Variants in PROS1 observed in about 807,000 individuals in gnomAD.
PROS1 encodes protein S.
In PROS1, 29 loss-of-function variants were observed where a neutral mutation model predicts 75.9. The observed-to-expected ratio is 0.38, with a 90% CI of 0.28 to 0.52. The LOEUF is 0.52. PROS1 is among the 20% of genes least tolerant of loss of function. The pLI is 0.83. For missense variants in PROS1, 680 were observed against 810.3 expected (o/e 0.84, Z 1.95); for synonymous variants, 245 against 280.6 (o/e 0.87, Z 1.27).
chr3:93,881,898 T>G (rs570634983), intron 12 of PROS1, among the ~76,000 whole-genome samples: 1 of 152,232 alleles, frequency 6.6e-6, no homozygotes, highest in African/African-American at 2.4e-5. Context: ...ACAATTAAAA[T>G]GTAATTTTTT....
At chr3:93,945,428 C>T (rs1199326879) in intron 1 of PROS1, among the ~76,000 whole-genome samples, 3 of 152,108 alleles carry the variant, frequency 2.0e-5, no homozygotes, top group Admixed American at 6.5e-5. Context: ...ACTGGCAAAC[C>T]GAATCCAGCA....
Position 93,910,574 on chromosome 3 carries a change from C to T in PROS1, c.346+45G>A, listed in dbSNP as rs765643007. 8.7e-6 allele frequency: 13 copies of T among 1,489,292 alleles called. No individual in the cohort carries two copies. The South Asian group carries it at 1.5e-4, about 17-fold the overall frequency. The allele number at this position is 1,489,292 out of a possible 1,614,324, so 92.3% of individuals were successfully genotyped here. On this transcript the variant is annotated intron_variant, in intron 4 of 14. Coordinates refer to ENST00000394236, the MANE Select transcript of PROS1 (RefSeq NM_000313.4). ...TATTACCATGGGTGTACTTTACCTA[C>T]AGAGTTTTTGTTTTGTTTTTTCAAT...
At chr3:93,940,011 T>G (rs1709257520) in intron 1 of PROS1, among the ~76,000 whole-genome samples, 1 of 152,232 alleles carries the variant, frequency 6.6e-6, no homozygotes, top group Non-Finnish European at 1.5e-5. Context: ...ACACAAGAAC[T>G]TCAAAACGCC....
chr3:93,895,920 C>T (rs8178638), intron 9 of PROS1, among the ~76,000 whole-genome samples: 23 of 152,102 alleles, frequency 1.5e-4, no homozygotes, highest in Middle Eastern at 6.8e-3. Context: ...GCCGAGATTG[C>T]GCCACTGCAC....
intron 9 of PROS1, among the ~76,000 whole-genome samples, chr3:93,893,984 T>C (rs1708468728): frequency 6.6e-6 from 1 of 152,078 alleles, no homozygotes; most frequent in Non-Finnish European, 1.5e-5. Context: ...AACACTTCAA[T>C]GAGAATCAGC....
In PROS1 at chr3:93,970,457, C is replaced by A. The variant is rs560556641; in HGVS notation, c.76+3217G>T. Among the ~76,000 whole-genome samples, 204 of 152,152 alleles carry A rather than the reference C, an allele frequency of 1.3e-3. 2 individuals carry two copies. The highest frequency in any genetic ancestry group is 4.8e-3 in the African/African-American group (199 of 41,506). ...CTCAAGTGATCTTCCCACCTTAGAC[C>A]CCTGAGTAGCTGGGCCTACAAGTGT... is the stretch of plus-strand genomic sequence containing the variant. On this transcript the variant is annotated intron_variant, in intron 1 of 14. Coordinates refer to ENST00000394236, the MANE Select transcript of PROS1 (RefSeq NM_000313.4).
At chr3:93,933,575 A>T (rs1400084914) in intron 1 of PROS1, among the ~76,000 whole-genome samples, 1 of 151,158 alleles carries the variant, frequency 6.6e-6, no homozygotes, top group East Asian at 2.0e-4. Flanking sequence ...CCTTGCCTCA[A>T]AAAAAAAGAA....
chr3:93,973,641 G>T, intron 1 of PROS1, 33 bp downstream of exon 1: 1 of 1,605,772 alleles, frequency 6.2e-7, no homozygotes. Context: ...GACAATGCTG[G>T]GGAAGGGAGA....
intron 4 of PROS1, among the ~76,000 whole-genome samples, chr3:93,909,623 TCTAAA>T (rs1708730169): frequency 6.6e-6 from 1 of 152,114 alleles, no homozygotes; most frequent in Admixed American, 6.5e-5. Context: ...CACACCAGCC[TCTAAA>T]CTTCCCAGTC....
rs368945849 is a variant in PROS1 at position 93,964,161 on chromosome 3, G to A, written c.76+9513C>T. On this transcript the variant is annotated intron_variant, in intron 1 of 14. Coordinates refer to ENST00000394236, the MANE Select transcript of PROS1 (RefSeq NM_000313.4). ...CAAATTGATTGTAAAACGTGTGTTT[G>A]AACAATATGAAATCAGTGCACCTTG... is the stretch of plus-strand genomic sequence containing the variant. Among the ~76,000 whole-genome samples the A allele has an allele frequency of 1.2e-4, 18 of 152,210 alleles. No individual in the cohort carries two copies. The South Asian group carries it at 2.5e-3, about 21-fold the overall frequency.
intron 3 of PROS1, among the ~76,000 whole-genome samples, chr3:93,916,117 A>G (rs1468237601): frequency 6.6e-6 from 1 of 152,162 alleles, no homozygotes; most frequent in African/African-American, 2.4e-5. Flanking sequence ...GACAGAAGGT[A>G]GTAAGGCAAA....
intron 1 of PROS1, among the ~76,000 whole-genome samples, chr3:93,955,316 G>A (rs1709581519): frequency 6.6e-6 from 1 of 152,076 alleles, no homozygotes; most frequent in Admixed American, 6.6e-5. Context: ...GCAAAGACTT[G>A]GAACCAACAC....
At chr3:93,913,250 G>A (rs1708787255) in intron 3 of PROS1, among the ~76,000 whole-genome samples, 1 of 152,096 alleles carries the variant, frequency 6.6e-6, no homozygotes, top group Non-Finnish European at 1.5e-5. Flanking sequence ...GTTTGGCTGT[G>A]TCCCAACCCA....
rs190978594 is a variant in PROS1 at position 93,944,905 on chromosome 3, T to C, written c.77-17498A>G. 1.8e-3 allele frequency among the ~76,000 whole-genome samples: 269 copies of C among 150,820 alleles called. 1 individual carries two copies. Among genetic ancestry groups the C allele is most frequent in the Non-Finnish European group, 3.2e-3 (217 of 67,636 alleles). ...GAAAAGGTCAACAAAATTGATAGAA[T>C]AATAAAGAAGATTGCAAGACTAATA... On this transcript the variant is annotated intron_variant, in intron 1 of 14. Coordinates refer to ENST00000394236, the MANE Select transcript of PROS1 (RefSeq NM_000313.4).
chr3:93,925,050 T>C (rs1708997368), intron 2 of PROS1, among the ~76,000 whole-genome samples: 1 of 152,200 alleles, frequency 6.6e-6, no homozygotes, highest in Non-Finnish European at 1.5e-5. Context: ...ACCTATAAAT[T>C]GGTTGTGTAC....
chr3:93,928,393 G>C (rs924729700), intron 1 of PROS1, among the ~76,000 whole-genome samples: 2 of 150,654 alleles, frequency 1.3e-5, no homozygotes, highest in Non-Finnish European at 3.0e-5. Flanking sequence ...TCTTAGCCAG[G>C]CCTGGTGGAA....
At chr3:93,898,655 A>G (rs1208899764) in intron 7 of PROS1, 86 bp from the exon 8 acceptor site, 4 of 1,484,732 alleles carry the variant, frequency 2.7e-6, no homozygotes, top group South Asian at 1.1e-5. Flanking sequence ...TGATTGTAGT[A>G]TGATATAATC....
At chr3:93,934,998 G>C (rs1188853274) in intron 1 of PROS1, among the ~76,000 whole-genome samples, 1 of 151,264 alleles carries the variant, frequency 6.6e-6, no homozygotes, top group African/African-American at 2.4e-5. Context: ...TAACTAGACA[G>C]AGAAAGCAGT....
intron 1 of PROS1, among the ~76,000 whole-genome samples, chr3:93,939,586 A>G (rs1035815765): frequency 1.3e-5 from 2 of 152,042 alleles, no homozygotes; most frequent in Admixed American, 6.6e-5. Context: ...CACCTGCCCA[A>G]CAATTTCCTC....
Sources: gnomAD v4.1 joint callset for allele counts (sites outside exome capture counted in the v4.1 genomes callset) on GRCh38, gnomAD v4.1.1 for gene constraint, MANE v1.5 for transcripts, NCBI Gene and HGNC (gene_info 2026-07-23, HGNC 2026-07-21) for gene names.